Variants in MAP7 observed in about 807,000 individuals in gnomAD.
The protein encoded by MAP7 is microtubule associated protein 7, also known as ensconsin.
Under a neutral mutation model 94.8 loss-of-function variants are expected in MAP7, and 52 were observed. That is an observed-to-expected ratio of 0.55 (90% CI 0.44 to 0.69). MAP7 has a LOEUF of 0.69. Ranked by LOEUF, MAP7 falls within the 30% of genes least tolerant of loss-of-function variation. The pLI is 0.00. For missense variants in MAP7, 940 were observed against 964.6 expected (o/e 0.97, Z 0.34); for synonymous variants, 350 against 357.0 (o/e 0.98, Z 0.22).
At chr6:136,467,009 C>G (rs901875982) in intron 1 of MAP7, 2 of 853,230 alleles carry the variant, frequency 2.3e-6, no homozygotes, top group Non-Finnish European at 3.2e-6. Flanking sequence ...TTCACTGAAC[C>G]AAGCAAAAAC....
At chr6:136,474,445 G>A (rs1018181468) in intron 1 of MAP7, among the ~76,000 whole-genome samples, 1 of 152,132 alleles carries the variant, frequency 6.6e-6, no homozygotes, top group Non-Finnish European at 1.5e-5. Context: ...ACCAGAAATG[G>A]ACATAAGTAG....
At chr6:136,512,164 C>G (rs1823480089) in intron 1 of MAP7, among the ~76,000 whole-genome samples, 1 of 152,238 alleles carries the variant, frequency 6.6e-6, no homozygotes, top group South Asian at 2.1e-4. Flanking sequence ...AAGGCCTAGA[C>G]AGACTACCTC....
intron 1 of MAP7, among the ~76,000 whole-genome samples, chr6:136,520,296 A>G (rs1826022012): frequency 6.6e-6 from 1 of 152,130 alleles, no homozygotes; most frequent in African/African-American, 2.4e-5. Context: ...ATGCAGTTTC[A>G]TAGAGAGCAA....
At chr6:136,502,390 A>C (rs1266486301) in intron 1 of MAP7, among the ~76,000 whole-genome samples, 1 of 152,258 alleles carries the variant, frequency 6.6e-6, no homozygotes, top group Non-Finnish European at 1.5e-5. Flanking sequence ...GTAATAAAAT[A>C]CTAAAGGCTC....
intron 1 of MAP7, among the ~76,000 whole-genome samples, chr6:136,426,650 GA>G (rs1793250393): frequency 6.6e-6 from 1 of 152,224 alleles, no homozygotes; most frequent in African/African-American, 2.4e-5. Flanking sequence ...CACTGGGATG[GA>G]GCACGAGCAA....
At chr6:136,357,117 C>A (rs930584983) in intron 15 of MAP7, among the ~76,000 whole-genome samples, 2 of 152,318 alleles carry the variant, frequency 1.3e-5, no homozygotes, top group South Asian at 4.1e-4. Context: ...ACCAAAGCAA[C>A]TGATAAAGAT....
At position 136,372,406 on chromosome 6, in the gene MAP7, T is replaced by A. The variant is rs1774805601; in HGVS notation, c.876+95A>T. ...GATGGTGGATGTCACGGTCTCCCCC[T>A]CTTACGCCCACACCACAGCTCAGGG... On this transcript the variant is annotated intron_variant, in intron 8 of 17. Coordinates refer to ENST00000354570, the MANE Select transcript of MAP7 (RefSeq NM_003980.6). 3 of 1,437,714 alleles carry A rather than the reference T, an allele frequency of 2.1e-6. No individual in the cohort carries two copies. In the Admixed American group the frequency reaches 5.9e-5, roughly 28 times the overall value. The allele number at this position is 1,437,714 out of a possible 1,614,324, so 89.1% of individuals were successfully genotyped here. A position where few individuals can be genotyped will look rare whatever the true frequency, so the allele number is the denominator to read the frequency against.
rs1172800634 is a variant in MAP7, at chr6:136,345,953, G to C, written c.2142C>G (p.Ser714Arg). The C allele has an allele frequency of 1.2e-6, 2 of 1,613,926 alleles. No homozygotes were observed. Among genetic ancestry groups the C allele is most frequent in the Non-Finnish European group, 1.7e-6 (2 of 1,179,854 alleles). Residue 714 changes from serine to arginine, a missense_variant, in exon 17 of 18, where the codon AGC (serine) becomes AGG (arginine). By Grantham distance (110) the Ser-to-Arg change is moderately radical. Transcript: ENST00000354570. Reference protein sequence around the residue: ...PSRLDVTNSESPEIPLNPILA... With the variant: ...PSRLDVTNSERPEIPLNPILA... ...AAATTGGATTCAAAGGAATTTCTGG[G>C]CTCTCACTGTTGGTGACATCTAATC...
intron 13 of MAP7, among the ~76,000 whole-genome samples, 191 bp from the exon 14 acceptor site, chr6:136,360,222 C>T (rs1792178204): frequency 6.6e-6 from 1 of 151,148 alleles, no homozygotes; most frequent in Non-Finnish European, 1.5e-5. Flanking sequence ...GGCAAGCTCT[C>T]AGTTCACTGT....
rs1793833834 is a variant in MAP7 at position 136,364,793 on chromosome 6, G to A, written c.1273+942C>T. 3 of 154,626 alleles carry A rather than the reference G, an allele frequency of 1.9e-5. No individual in the cohort carries two copies. The Admixed American group carries it at 2.0e-4, about 10-fold the overall frequency. 9.6% of individuals were successfully genotyped at this position (154,626 alleles called of 1,614,324 possible). ...AGGCCACCCGCCCCCGGCCTTGTATGTAAGCCACCTTTCAGATCTGGTTGA... is the reference window on the plus strand; with the variant it reads ...AGGCCACCCGCCCCCGGCCTTGTATATAAGCCACCTTTCAGATCTGGTTGA... On this transcript the variant is annotated intron_variant, in intron 10 of 17. Transcript: ENST00000354570.
chr6:136,473,436 T>A (rs891463337), intron 1 of MAP7, among the ~76,000 whole-genome samples: 11 of 152,226 alleles, frequency 7.2e-5, no homozygotes, highest in Non-Finnish European at 1.5e-4. Flanking sequence ...TATTTTAGTA[T>A]CTGTTCTTGT....
At chr6:136,452,621 C>T (rs1330555486) in intron 1 of MAP7, among the ~76,000 whole-genome samples, 5 of 151,862 alleles carry the variant, frequency 3.3e-5, no homozygotes, top group Non-Finnish European at 4.4e-5. Flanking sequence ...GGCACGATCT[C>T]GGCTCACTGC....
intron 8 of MAP7, among the ~76,000 whole-genome samples, chr6:136,367,136 A>G (rs1250379818): frequency 6.6e-6 from 1 of 152,216 alleles, no homozygotes; most frequent in Non-Finnish European, 1.5e-5. Flanking sequence ...CCTGATTGCC[A>G]ACTAGGAATT....
At chr6:136,425,278 G>A (rs984250032) in intron 1 of MAP7, among the ~76,000 whole-genome samples, 4 of 152,196 alleles carry the variant, frequency 2.6e-5, no homozygotes, top group South Asian at 2.1e-4. Context: ...CTCAAAAAGC[G>A]AAATCATGGA....
At chr6:136,537,379 G>T (rs1216184827) in intron 1 of MAP7, among the ~76,000 whole-genome samples, 1 of 152,120 alleles carries the variant, frequency 6.6e-6, no homozygotes, top group Non-Finnish European at 1.5e-5. Flanking sequence ...AGTCTCATAG[G>T]TCTTCTAGAC....
chr6:136,506,106 G>A (rs1434749052), intron 1 of MAP7, among the ~76,000 whole-genome samples: 1 of 152,118 alleles, frequency 6.6e-6, no homozygotes, highest in Admixed American at 6.5e-5. Flanking sequence ...AAATTCTTGA[G>A]TAAATGCCAA....
intron 13 of MAP7, 59 bp downstream of exon 13, chr6:136,360,638 T>G: frequency 6.8e-7 from 1 of 1,476,298 alleles, no homozygotes; most frequent in South Asian, 1.1e-5. Flanking sequence ...CCAGGGCTAG[T>G]CTCTGGGTCT....
rs1374272354 is a variant in MAP7 at position 136,388,390 on chromosome 6, T to C, written c.526+3A>G. On this transcript the variant is annotated splice_donor_region_variant and intron_variant, in intron 5 of 17. Coordinates refer to ENST00000354570, the MANE Select transcript of MAP7 (RefSeq NM_003980.6). ...ACTAATTTTCAAAGTGGTCACTGTT[T>C]ACCTGCACTGTGGATGCTAGGGCTC... 6.2e-7 allele frequency: 1 copy of C among 1,609,622 alleles called. No individual in the cohort carries two copies. The highest frequency in any genetic ancestry group is 1.7e-5 in the Admixed American group (1 of 59,970).
At chr6:136,367,829 G>T (rs1162809746) in intron 8 of MAP7, among the ~76,000 whole-genome samples, 4 of 152,164 alleles carry the variant, frequency 2.6e-5, no homozygotes, top group African/African-American at 9.7e-5. Context: ...AGGGTGGCAT[G>T]CCCAGGTCTT....
Sources: allele counts gnomAD v4.1 joint callset (sites outside exome capture counted in the v4.1 genomes callset), GRCh38; gene constraint gnomAD v4.1.1; transcripts MANE v1.5; gene names NCBI Gene and HGNC (gene_info 2026-07-23, HGNC 2026-07-21).